The following AKR1C3 variants were observed in gnomAD, a reference collection of about 807,000 sequenced individuals.
AKR1C3 encodes aldo-keto reductase family 1 member C3.
AKR1C3 carries 48 observed loss-of-function variants against 43.6 expected under a neutral mutation model. That is an observed-to-expected ratio of 1.10 (90% confidence interval 0.87 to 1.40). The LOEUF (loss-of-function observed/expected upper bound fraction) is 1.40, where lower values mean the gene tolerates loss of function less well. AKR1C3 is among the 40% of genes most tolerant of loss of function. AKR1C3 has a pLI of 0.00. For synonymous variants in AKR1C3, 162 were observed against 139.6 expected, an observed-to-expected ratio of 1.16 and a Z score of -1.13; for missense variants, 482 against 391.2, an observed-to-expected ratio of 1.23 and a Z score of -1.96.
At chr10:5,051,594 G>T (rs1450910485) in intron 1 of AKR1C3, among the ~76,000 whole-genome samples, 2 of 152,190 alleles carry the variant, frequency 1.3e-5, no homozygotes, top group East Asian at 3.8e-4. Context: ...TGGAATCATT[G>T]CAGTTCATAT....
At position 5,102,133 on chromosome 10, in the gene AKR1C3, A is replaced by G; in HGVS notation, c.603A>G (p.Lys201=). ...GTCATCCGTATTTCAACCGGAGTAA[A>G]TTGCTAGATTTCTGCAAGTCGAAAG... The part of the protein sequence containing the change: ...VECHPYFNRS[K]LLDFCKSKDI... The change falls in exon 6 of 9, where the codon AAA becomes AAG. Residue 201 remains lysine (K), a synonymous_variant. Transcript: ENST00000380554. 1 of 1,613,938 alleles carries G rather than the reference A, an allele frequency of 6.2e-7. No homozygotes were observed. Among genetic ancestry groups the G allele is most frequent in the Middle Eastern group, 1.7e-4 (1 of 6,052 alleles).
chr10:5,097,484 C>T lies in AKR1C3; in HGVS notation c.303C>T (p.Asn101=). 6.2e-7 allele frequency: 1 copy of T among 1,613,908 alleles called. No individual in the cohort carries two copies. Among genetic ancestry groups the T allele is most frequent in the Non-Finnish European group, 8.5e-7 (1 of 1,179,840 alleles). Residue 101 remains asparagine (N), a synonymous_variant, in exon 3 of 9, where the codon AAC becomes AAT. Transcript: ENST00000380554. The stretch of plus-strand genomic sequence containing the variant: ...AGTTGGTCCGACCAGCCTTGGAAAA[C>T]TCACTGAAGAAAGCTCAATTGGACT... The part of the protein sequence containing the change: ...RPELVRPALE[N]SLKKAQLDYV...
intron 1 of AKR1C3, among the ~76,000 whole-genome samples, chr10:5,053,808 G>A (rs948537691): frequency 6.6e-6 from 1 of 152,262 alleles, no homozygotes. Context: ...CAGGGGAAGT[G>A]CCAGCAGGTT....
At chr10:5,062,853 T>TAA (rs1564355520) in intron 1 of AKR1C3, among the ~76,000 whole-genome samples, 7 of 73,922 alleles carry the variant, frequency 9.5e-5, no homozygotes, top group African/African-American at 2.4e-4. Context: ...GAACTCCTAG[T>TAA]TAAAAAAAAA....
At chr10:5,097,765 C>G in intron 3 of AKR1C3, 1 of 1,314,270 alleles carries the variant, frequency 7.6e-7, no homozygotes. Flanking sequence ...ACAGCAACCT[C>G]AAAGCCTCTT....
intron 6 of AKR1C3, 114 bp from the exon 7 acceptor site, chr10:5,102,371 G>T (rs1345644293): frequency 1.3e-6 from 2 of 1,518,758 alleles, no homozygotes; most frequent in East Asian, 4.5e-5. Context: ...GGTGATGCTC[G>T]GGGGCCTCGC....
chr10:5,063,768 A>AAAAAAAAAAAAAAAAAAAAAAAAC (rs1838432796), intron 1 of AKR1C3, among the ~76,000 whole-genome samples: 1 of 135,548 alleles, frequency 7.4e-6, no homozygotes, highest in Non-Finnish European at 1.5e-5. Context: ...GTCTCAGCAA[A>AAAAAAAAAAAAAAAAAAAAAAAAC]AAAAAAAAAA....
intron 7 of AKR1C3, 78 bp from the exon 8 acceptor site, chr10:5,105,517 C>T (rs1422081123): frequency 4.6e-6 from 5 of 1,086,798 alleles, no homozygotes; most frequent in Non-Finnish European, 6.8e-6. Flanking sequence ...AGTATTGTCT[C>T]TGCACCCTAC....
Position 5,098,137 on chromosome 10 carries a change from A to G in AKR1C3, c.369+587A>G, listed in dbSNP as rs147222309. ...TTACAGAAAACTACTCAGGCTAGTT[A>G]ATGCAAAAGAGTTTACTGAGTTATG... On this transcript the variant is annotated intron_variant, in intron 3 of 8. Transcript: ENST00000380554. The G allele has an allele frequency of 5.5e-4, 544 of 986,370 alleles. 3 individuals are homozygous for G. The African/African-American group carries it at 8.8e-3, about 16-fold the overall frequency. 61.1% of individuals were successfully genotyped at this position (986,370 alleles called of 1,614,324 possible).
chr10:5,082,162 T>C (rs1554782424), intron 1 of AKR1C3, among the ~76,000 whole-genome samples: 1 of 152,204 alleles, frequency 6.6e-6, no homozygotes, highest in Non-Finnish European at 1.5e-5. Context: ...ACTGAGGTTG[T>C]TTATTAAATC....
At chr10:5,094,641 G>A (rs1389497945) in intron 1 of AKR1C3, 113 bp downstream of exon 1, 5 of 1,189,258 alleles carry the variant, frequency 4.2e-6, no homozygotes, top group African/African-American at 1.5e-5. Flanking sequence ...TGACTCACTG[G>A]TCTAGGTTTC....
At chr10:5,087,115 G>A (rs1385394113) in intron 1 of AKR1C3, among the ~76,000 whole-genome samples, 3 of 152,116 alleles carry the variant, frequency 2.0e-5, no homozygotes, top group Non-Finnish European at 4.4e-5. Flanking sequence ...TCATTATGAT[G>A]TTAGCTGGTT....
At position 5,065,814 on chromosome 10, in the gene AKR1C3, A is replaced by C. The variant is rs191396738; in HGVS notation, c.84+16919A>C. On this transcript the variant is annotated intron_variant, in intron 1 of 8. Coordinates refer to the AKR1C3 transcript ENST00000439082. ...GGCCTTATGTTCCCTGCCTCCAGAC[A>C]TTATTTTCTTGACTCATTTCCCCAC... Among the ~76,000 whole-genome samples, 502 of 152,082 alleles carry C rather than the reference A, an allele frequency of 3.3e-3. 6 individuals carry two copies. The highest frequency in any genetic ancestry group is 3.1e-3 in the Non-Finnish European group (208 of 68,022).
At chr10:5,053,072 A>G (rs1489392677) in intron 1 of AKR1C3, among the ~76,000 whole-genome samples, 1 of 150,586 alleles carries the variant, frequency 6.6e-6, no homozygotes, top group Non-Finnish European at 1.5e-5. Context: ...TCAGGAGCCC[A>G]GCTGGCTTCA....
chr10:5,057,359 T>A (rs1360273677), intron 1 of AKR1C3, among the ~76,000 whole-genome samples: 1 of 152,212 alleles, frequency 6.6e-6, no homozygotes, highest in Non-Finnish European at 1.5e-5. Flanking sequence ...TTGGGTCTGT[T>A]CCTCTTGGTC....
At chr10:5,103,189 CCTCTTCAT>C (rs1192766125) in intron 7 of AKR1C3, among the ~76,000 whole-genome samples, 1 of 152,138 alleles carries the variant, frequency 6.6e-6, no homozygotes, top group Non-Finnish European at 1.5e-5. Context: ...CTCCTGGCCT[CCTCTTCAT>C]CTTCAGAAAT....
intron 1 of AKR1C3, among the ~76,000 whole-genome samples, chr10:5,061,535 G>A (rs1166559619): frequency 3.3e-5 from 5 of 152,072 alleles, no homozygotes; most frequent in African/African-American, 1.2e-4. Flanking sequence ...AGAAGGAGGG[G>A]GTTGAGTACA....
intron 1 of AKR1C3, among the ~76,000 whole-genome samples, chr10:5,070,374 A>G (rs1261752094): frequency 1.3e-5 from 2 of 152,190 alleles, no homozygotes; most frequent in Non-Finnish European, 2.9e-5. Context: ...ACAAAAGTAG[A>G]TATTTATGGA....
intron 5 of AKR1C3, among the ~76,000 whole-genome samples, chr10:5,100,090 T>C (rs7913166): frequency 0.96 from 145,864 of 152,218 alleles, 69,963 homozygotes; most frequent in East Asian, 1. Flanking sequence ...GTTGGGAGTT[T>C]GAGACCAGCC....
Sources: allele counts gnomAD v4.1 joint callset (sites outside exome capture counted in the v4.1 genomes callset), GRCh38; gene constraint gnomAD v4.1.1; transcripts MANE v1.5; gene names NCBI Gene and HGNC (gene_info 2026-07-23, HGNC 2026-07-21).